Variants in C6orf118 observed in about 807,000 individuals in gnomAD.
The protein encoded by C6orf118 is chromosome 6 open reading frame 118, also known as uncharacterized protein C6orf118.
In C6orf118, 50 loss-of-function variants were observed where a neutral mutation model predicts 50.2. That is an observed-to-expected ratio of 1.00 (90% confidence interval 0.79 to 1.26). C6orf118 has a LOEUF of 1.26. C6orf118 is among the 50% of genes most tolerant of loss of function. The probability of loss-of-function intolerance (pLI) is 0.00; values close to 1 mark genes in which losing one functional copy is unlikely to be tolerated. For missense variants in C6orf118, 641 were observed against 578.7 expected (o/e 1.11, Z -1.10); for synonymous variants, 239 against 230.9 (o/e 1.03, Z -0.32).
intron 6 of C6orf118, among the ~76,000 whole-genome samples, chr6:165,292,041 A>G (rs1194881768): frequency 6.6e-6 from 1 of 152,190 alleles, no homozygotes; most frequent in East Asian, 1.9e-4. Context: ...CTGAGGGGAT[A>G]GAAATGGTCA....
chr6:165,302,338 G>A, intron 1 of C6orf118, 42 bp from the exon 2 acceptor site: 1 of 1,584,350 alleles, frequency 6.3e-7, no homozygotes, highest in Non-Finnish European at 8.5e-7. Flanking sequence ...ATCGCTCTTA[G>A]TTCCACAGTA....
intron 7 of C6orf118, among the ~76,000 whole-genome samples, chr6:165,283,383 AG>A (rs1248827392): frequency 1.3e-5 from 2 of 152,194 alleles, no homozygotes; most frequent in African/African-American, 2.4e-5. Context: ...TTGGGTCCCA[AG>A]CAGGGGTTTA....
Position 165,301,708 on chromosome 6 carries a change from T to C in C6orf118, c.614A>G (p.Tyr205Cys), listed in dbSNP as rs778663715. ...TRDRHHYVSS[Y>C]LAGATSADRY... ...GTCTGCGCTGGTGGCTCCGGCCAGG[T>C]AGGAGCTGACATAGTGGTGCCGGTC... The change falls in exon 2 of 9, where the codon TAC (tyrosine) becomes TGC (cysteine). Residue 205 changes from tyrosine (Y) to cysteine (C), a missense_variant. Physicochemically the swap from Tyr to Cys is radical, Grantham distance 194 (BLOSUM62 -2). Transcript: ENST00000230301. 6.2e-7 allele frequency: 1 copy of C among 1,614,112 alleles called. No individual in the cohort carries two copies.
At chr6:165,287,430 T>C (rs569987462) in intron 7 of C6orf118, among the ~76,000 whole-genome samples, 9 of 152,156 alleles carry the variant, frequency 5.9e-5, no homozygotes, top group African/African-American at 1.7e-4. Context: ...AAAAAAAAAC[T>C]ATTTTAAATT....
intron 7 of C6orf118, among the ~76,000 whole-genome samples, chr6:165,287,765 C>T (rs576744061): frequency 1.3e-5 from 2 of 152,102 alleles, no homozygotes; most frequent in African/African-American, 4.8e-5. Flanking sequence ...CTCCCTTACA[C>T]CTTATACAAA....
At position 165,301,626 on chromosome 6, in the gene C6orf118, CAGG is replaced by C. The variant is rs1780541690; in HGVS notation, c.693_695del (p.Leu232del). 8 of 1,613,994 alleles carry C rather than the reference CAGG, an allele frequency of 5.0e-6. No homozygotes were observed. Among genetic ancestry groups the C allele is most frequent in the South Asian group, 1.1e-5 (1 of 91,070 alleles). On this transcript the variant is annotated inframe_deletion, in exon 2 of 9. Coordinates refer to ENST00000230301, the MANE Select transcript of C6orf118 (RefSeq NM_144980.4). ...CCTTGCTCCCAGTGAAGTCATTCTTCAGGAGATCTTGCTTGGCGAGCACTTCCT... is the reference window on the plus strand; with the variant it reads ...CCTTGCTCCCAGTGAAGTCATTCTTCAGATCTTGCTTGGCGAGCACTTCCT...
At position 165,298,112 on chromosome 6, in the gene C6orf118, C is replaced by A. The variant is rs1780380232; in HGVS notation, c.937-11G>T. On this transcript the variant is annotated splice_polypyrimidine_tract_variant and intron_variant, in intron 4 of 8. Transcript: ENST00000230301. Reference sequence around the variant, plus strand: ...TTGAGCCAGAAGAGCCTAGGCAGGACCAGGTACATGAGGTGAGACAAGCAC... The same window carrying A: ...TTGAGCCAGAAGAGCCTAGGCAGGAACAGGTACATGAGGTGAGACAAGCAC... 6.3e-7 allele frequency: 1 copy of A among 1,577,580 alleles called. No homozygotes were observed. The highest frequency in any genetic ancestry group is 8.6e-7 in the Non-Finnish European group (1 of 1,165,516).
rs867891038 is a variant in C6orf118 at position 165,301,468 on chromosome 6, C to T, written c.753+101G>A. On this transcript the variant is annotated intron_variant, in intron 2 of 8. Coordinates refer to ENST00000230301, the MANE Select transcript of C6orf118 (RefSeq NM_144980.4). Reference sequence around the variant, plus strand: ...CCAAGAGCTATGCCCCGGAGCTCTGCCCCGAGAGGTTTGCCCCAGAGCTGT... The same window carrying T: ...CCAAGAGCTATGCCCCGGAGCTCTGTCCCGAGAGGTTTGCCCCAGAGCTGT... The T allele has an allele frequency of 5.5e-6, 8 of 1,463,102 alleles. 1 individual carries two copies. The South Asian group carries it at 1.1e-4, about 19-fold the overall frequency. 90.6% of individuals were successfully genotyped at this position (1,463,102 alleles called of 1,614,324 possible). A position where few individuals can be genotyped will look rare whatever the true frequency, so the allele number is the denominator to read the frequency against.
chr6:165,302,356 T>A, intron 1 of C6orf118, 60 bp from the exon 2 acceptor site: 1 of 1,559,218 alleles, frequency 6.4e-7, no homozygotes, highest in Non-Finnish European at 8.6e-7. Flanking sequence ...GTAAGTCAGC[T>A]GGTGCACTGG....
chr6:165,290,432 A>C (rs955136385), intron 6 of C6orf118, among the ~76,000 whole-genome samples: 3 of 152,136 alleles, frequency 2.0e-5, no homozygotes, highest in African/African-American at 7.2e-5. Flanking sequence ...CAAAGCAAGA[A>C]CATCAGACAC....
At chr6:165,286,670 AAAC>A (rs1779914515) in intron 7 of C6orf118, among the ~76,000 whole-genome samples, 1 of 152,142 alleles carries the variant, frequency 6.6e-6, no homozygotes, top group East Asian at 1.9e-4. Flanking sequence ...CTAAAGACAA[AAAC>A]CACATGATTA....
At chr6:165,307,330 G>A (rs1232957935) in intron 1 of C6orf118, among the ~76,000 whole-genome samples, 1 of 151,668 alleles carries the variant, frequency 6.6e-6, no homozygotes, top group African/African-American at 2.4e-5. Context: ...AGGCCGAGGC[G>A]GGTGGATCAC....
In C6orf118 at chr6:165,301,722, G is replaced by C. The variant is rs534069105; in HGVS notation, c.600C>G (p.His200Gln). 1.2e-6 allele frequency: 2 copies of C among 1,614,158 alleles called. No homozygotes were observed. The highest frequency in any genetic ancestry group is 2.2e-5 in the East Asian group (1 of 44,874). ...CTCCGGCCAGGTAGGAGCTGACATAGTGGTGCCGGTCCCTGGTGCCTCTGG... is the reference window on the plus strand; with the variant it reads ...CTCCGGCCAGGTAGGAGCTGACATACTGGTGCCGGTCCCTGGTGCCTCTGG... ...AGSRGTRDRH[H>Q]YVSSYLAGAT... The change falls in exon 2 of 9, where the codon CAC (histidine) becomes CAG (glutamine). Residue 200 changes from histidine to glutamine, a missense_variant. Physicochemically the swap from His to Gln is conservative, Grantham distance 24 (BLOSUM62 0). Coordinates refer to ENST00000230301, the MANE Select transcript of C6orf118 (RefSeq NM_144980.4).
At chr6:165,294,357 G>C (rs1780220576) in intron 5 of C6orf118, among the ~76,000 whole-genome samples, 1 of 151,674 alleles carries the variant, frequency 6.6e-6, no homozygotes, top group Admixed American at 6.6e-5. Flanking sequence ...GCTTGGTTCA[G>C]AGTAACCTAC....
intron 5 of C6orf118, among the ~76,000 whole-genome samples, chr6:165,295,438 C>A (rs995581184): frequency 2.6e-5 from 4 of 152,116 alleles, no homozygotes; most frequent in Admixed American, 1.3e-4. Context: ...TATTACTATT[C>A]CTTGGTAAGG....
chr6:165,285,677 A>T (rs1385542729), intron 7 of C6orf118, among the ~76,000 whole-genome samples: 1 of 152,064 alleles, frequency 6.6e-6, no homozygotes, highest in East Asian at 1.9e-4. Flanking sequence ...CTCCTGAATG[A>T]CTCCTGAGTA....
rs547277894 is a variant in C6orf118, at chr6:165,301,388, CGAGAGCACTGCACA to C, written c.753+167_753+180del. 2.9e-3 allele frequency among the ~76,000 whole-genome samples: 389 copies of C among 135,996 alleles called. 2 individuals carry two copies. Among genetic ancestry groups the C allele is most frequent in the African/African-American group, 0.01 (367 of 35,710 alleles). The allele number at this position is 135,996 out of a possible 152,430, so 89.2% of individuals were successfully genotyped here. A position where few individuals can be genotyped will look rare whatever the true frequency, so the allele number is the denominator to read the frequency against. On this transcript the variant is annotated intron_variant, in intron 2 of 8. Transcript: ENST00000230301. ...GAGCACTGCACCGAGAACACTGCAC[CGAGAGCACTGCACA>C]GAGAGCACTGCACCGCGAGGTCTGC... is the stretch of plus-strand genomic sequence containing the variant.
At chr6:165,282,779 G>A (rs2128156485) in intron 7 of C6orf118, among the ~76,000 whole-genome samples, 1 of 151,294 alleles carries the variant, frequency 6.6e-6, no homozygotes, top group Middle Eastern at 3.4e-3. Context: ...ATATAAATAA[G>A]AAGTAGTTAA....
chr6:165,289,664 A>G (rs1306264616), intron 7 of C6orf118, among the ~76,000 whole-genome samples: 4 of 152,196 alleles, frequency 2.6e-5, no homozygotes, highest in Non-Finnish European at 4.4e-5. Flanking sequence ...TTTGGCTATT[A>G]ACAGAAATCT....
Sources: gnomAD v4.1 joint callset for allele counts (sites outside exome capture counted in the v4.1 genomes callset) on GRCh38, gnomAD v4.1.1 for gene constraint, MANE v1.5 for transcripts, NCBI Gene and HGNC (gene_info 2026-07-23, HGNC 2026-07-21) for gene names.